The following SGK3 variants were observed in gnomAD, a reference collection of about 807,000 sequenced individuals.
The protein encoded by SGK3 is serum/glucocorticoid regulated kinase family member 3, also known as serine/threonine-protein kinase Sgk3.
A neutral mutation model predicts 68.5 loss-of-function variants in SGK3; 47 were observed. The ratio of observed to expected loss-of-function variants is 0.69; its 90% confidence interval spans 0.54 to 0.87. The LOEUF is 0.87. Ranked by LOEUF, SGK3 falls within the 40% of genes least tolerant of loss-of-function variation. SGK3 has a pLI of 0.00. For synonymous variants in SGK3, 181 were observed against 189.1 expected, an observed-to-expected ratio of 0.96 and a Z score of 0.35; for missense variants, 479 against 575.5, an observed-to-expected ratio of 0.83 and a Z score of 1.72.
At chr8:66,762,260 C>T (rs1393155217) in intron 1 of SGK3, among the ~76,000 whole-genome samples, 2 of 152,286 alleles carry the variant, frequency 1.3e-5, no homozygotes, top group Admixed American at 6.5e-5. Context: ...TGAGCCACCG[C>T]GCCCGGCCTA....
At chr8:66,737,243 G>A (rs901420328) in intron 1 of SGK3, 6 of 152,114 alleles carry the variant, frequency 3.9e-5, no homozygotes, top group Non-Finnish European at 5.9e-5. Context: ...AGCCGGCCAG[G>A]TGTGGTGGTT....
chr8:66,762,294 C>A (rs554817394), intron 1 of SGK3, among the ~76,000 whole-genome samples: 1 of 152,064 alleles, frequency 6.6e-6, no homozygotes, highest in African/African-American at 2.4e-5. Flanking sequence ...AAAAACATAA[C>A]ATCAGCTGGA....
intron 5 of SGK3, among the ~76,000 whole-genome samples, chr8:66,814,514 G>C (rs1001913550): frequency 6.6e-6 from 1 of 152,184 alleles, no homozygotes; most frequent in Non-Finnish European, 1.5e-5. Context: ...AGCCTGAACC[G>C]TCAGGACACT....
At chr8:66,767,730 C>G (rs778612162) in intron 1 of SGK3, 1 of 1,533,054 alleles carries the variant, frequency 6.5e-7, no homozygotes, top group South Asian at 1.1e-5. Flanking sequence ...TCTCAGTCAT[C>G]TTTTTGGCAG....
At position 66,813,899 on chromosome 8, in the gene SGK3, C is replaced by A; in HGVS notation, c.300C>A (p.Asn100Lys). The A allele has an allele frequency of 6.3e-7, 1 of 1,595,364 alleles. No homozygotes were observed. ...CAGGACTAAACGAATTCATTCAGAA[C>A]CTAGTTAGGTATCCAGAACTTTATA... ...RRAGLNEFIQ[N>K]LVRYPELYNH... Residue 100 changes from asparagine (N) to lysine (K), a missense_variant, in exon 5 of 17, where the codon AAC becomes AAA. Asn to Lys is a moderately conservative substitution (Grantham distance 94). This residue lies in a region of SGK3 where 298 missense variants were observed against 329.4 expected (regional missense o/e 0.90). Coordinates refer to ENST00000521198, the MANE Select transcript of SGK3 (RefSeq NM_001033578.3).
intron 1 of SGK3, among the ~76,000 whole-genome samples, chr8:66,774,897 G>A (rs1458853687): frequency 6.6e-6 from 1 of 152,152 alleles, no homozygotes; most frequent in Non-Finnish European, 1.5e-5. Context: ...GTTGTTTTGA[G>A]ATCTACACTT....
intron 16 of SGK3, among the ~76,000 whole-genome samples, chr8:66,857,888 G>A (rs187221487): frequency 1.3e-3 from 196 of 149,406 alleles, no homozygotes; most frequent in African/African-American, 4.7e-3. Flanking sequence ...GTAAAGGAAA[G>A]TTAACCACTG....
At chr8:66,852,115 A>T (rs1206918665) in intron 16 of SGK3, among the ~76,000 whole-genome samples, 1 of 152,118 alleles carries the variant, frequency 6.6e-6, no homozygotes, top group Non-Finnish European at 1.5e-5. Context: ...TTACATGAAA[A>T]CATGGTAATT....
chr8:66,793,636 C>A lies in SGK3; in HGVS notation c.-101C>A. ...TTAAGGTTGCATGATGGAATTTGAA[C>A]ATTACTTCAAGAGGTTTTGTATTTT... On this transcript the variant is annotated 5_prime_UTR_variant, in exon 2 of 17. Coordinates refer to ENST00000521198, the MANE Select transcript of SGK3 (RefSeq NM_001033578.3). The A allele has an allele frequency of 5.9e-6, 6 of 1,017,264 alleles. No individual in the cohort carries two copies. Among genetic ancestry groups the A allele is most frequent in the Admixed American group, 3.1e-5 (1 of 32,720 alleles). 63.0% of individuals were successfully genotyped at this position (1,017,264 alleles called of 1,614,324 possible). A position where few individuals can be genotyped will look rare whatever the true frequency, so the allele number is the denominator to read the frequency against.
At position 66,839,982 on chromosome 8, in the gene SGK3, C is replaced by A. The variant is rs569432431; in HGVS notation, c.742-21C>A. The A allele has an allele frequency of 7.5e-6, 12 of 1,607,368 alleles. No homozygotes were observed. In the East Asian group the frequency reaches 1.8e-4, roughly 24 times the overall value. Reference sequence around the variant, plus strand: ...GATCCTAACATTCTCTCTCCCCCCACCCCCACAACCAATTTGACAGCTTTT... The same window carrying A: ...GATCCTAACATTCTCTCTCCCCCCAACCCCACAACCAATTTGACAGCTTTT... On this transcript the variant is annotated intron_variant, in intron 10 of 16. Coordinates refer to ENST00000521198, the MANE Select transcript of SGK3 (RefSeq NM_001033578.3).
rs769366639 is a variant in SGK3 at position 66,793,717 on chromosome 8, G to A, written c.-20G>A. 2 of 1,604,832 alleles carry A rather than the reference G, an allele frequency of 1.2e-6. No homozygotes were observed. The highest frequency in any genetic ancestry group is 8.5e-7 in the Non-Finnish European group (1 of 1,175,422). On this transcript the variant is annotated 5_prime_UTR_variant, in exon 2 of 17. It adds an upstream start codon to the 5' untranslated region. Coordinates refer to ENST00000521198, the MANE Select transcript of SGK3 (RefSeq NM_001033578.3). Reference sequence around the variant, plus strand: ...ACTGTTTCTTCGGATGCATTTTTTGGTGTGCTCTTGAGGGATTAAATGCAA... The same window carrying A: ...ACTGTTTCTTCGGATGCATTTTTTGATGTGCTCTTGAGGGATTAAATGCAA...
chr8:66,855,034 G>A (rs1310302564), intron 16 of SGK3, among the ~76,000 whole-genome samples: 2 of 152,086 alleles, frequency 1.3e-5, no homozygotes, highest in East Asian at 1.9e-4. Flanking sequence ...GTGGTGGCAC[G>A]CACCTGTGGT....
chr8:66,723,439 C>T (rs543116862), intron 1 of SGK3, among the ~76,000 whole-genome samples: 95 of 151,408 alleles, frequency 6.3e-4, no homozygotes, highest in African/African-American at 2.1e-3. Context: ...AGTGAAACTC[C>T]GTCTCAGAAA....
At chr8:66,754,571 C>T (rs765211184) in intron 1 of SGK3, among the ~76,000 whole-genome samples, 13 of 152,156 alleles carry the variant, frequency 8.5e-5, no homozygotes, top group Non-Finnish European at 1.8e-4. Context: ...CTTGGGGATA[C>T]GAATAAAGTC....
chr8:66,763,425 G>A (rs929716598), intron 1 of SGK3, among the ~76,000 whole-genome samples: 23 of 152,270 alleles, frequency 1.5e-4, no homozygotes, highest in Middle Eastern at 3.4e-3. Context: ...TGGAAAGTAA[G>A]GAAGTTAGGA....
At chr8:66,828,742 T>A in intron 7 of SGK3, 39 bp downstream of exon 7, 1 of 1,609,178 alleles carries the variant, frequency 6.2e-7, no homozygotes, top group Non-Finnish European at 8.5e-7. Flanking sequence ...TTAACTGAAT[T>A]TTAGGAAGAT....
intron 1 of SGK3, among the ~76,000 whole-genome samples, chr8:66,716,014 TTTCTC>T (rs1221176742): frequency 6.6e-6 from 1 of 152,216 alleles, no homozygotes; most frequent in East Asian, 1.9e-4. Flanking sequence ...GTTCTCATGT[TTTCTC>T]TTTTTGAAAA....
chr8:66,793,856 T>TG (rs1807564977), intron 2 of SGK3, 24 bp downstream of exon 2: 2 of 1,604,470 alleles, frequency 1.2e-6, no homozygotes, highest in Non-Finnish European at 8.5e-7. Flanking sequence ...ATAAAGCATG[T>TG]GGGAAAAAAG....
chr8:66,826,670 A>G (rs985439775), intron 6 of SGK3, among the ~76,000 whole-genome samples: 1 of 151,966 alleles, frequency 6.6e-6, no homozygotes, highest in South Asian at 2.1e-4. Context: ...ATTTTGAGAC[A>G]GTCTCATTTT....
Sources: gnomAD v4.1 joint callset for allele counts (sites outside exome capture counted in the v4.1 genomes callset) on GRCh38, gnomAD v4.1.1 for gene constraint, gnomAD v4.1.1 regional missense constraint, MANE v1.5 for transcripts, NCBI Gene and HGNC (gene_info 2026-07-23, HGNC 2026-07-21) for gene names.